MDFIC: variants seen among roughly 807,000 people sequenced by gnomAD.
MDFIC encodes the protein myoD family inhibitor domain-containing protein.
In MDFIC, 17 loss-of-function variants were observed where a neutral mutation model predicts 23.2. That is an observed-to-expected ratio of 0.73 (90% confidence interval 0.50 to 1.10). The LOEUF (loss-of-function observed/expected upper bound fraction) is 1.10. MDFIC is among the 50% of genes least tolerant of loss of function. MDFIC has a pLI of 0.00. For missense variants in MDFIC, 356 were observed against 316.6 expected (o/e 1.12, Z -0.95); for synonymous variants, 120 against 115.2 (o/e 1.04, Z -0.27).
rs1791176835 is a variant in MDFIC at position 114,991,998 on chromosome 7, C to T, written c.493+12217C>T. ...TGTGCATGAGCATGAAATGTTCTTC[C>T]ATTTGTTTGTGTCCTCTTTTATTTC... On this transcript the variant is annotated intron_variant, in intron 4 of 4. Coordinates refer to ENST00000393486, the MANE Select transcript of MDFIC (RefSeq NM_001166345.3). 2.0e-5 allele frequency among the ~76,000 whole-genome samples: 3 copies of T among 152,278 alleles called. No individual in the cohort carries two copies. In the South Asian group the frequency reaches 6.2e-4, roughly 32 times the overall value.
intron 3 of MDFIC, among the ~76,000 whole-genome samples, chr7:114,963,518 A>G (rs750776289): frequency 6.6e-6 from 1 of 152,148 alleles, no homozygotes; most frequent in Admixed American, 6.5e-5. Flanking sequence ...TTCCCTTGAT[A>G]TTCTCTCTGC....
intron 4 of MDFIC, among the ~76,000 whole-genome samples, chr7:114,983,330 C>G (rs1322962772): frequency 4.6e-5 from 7 of 151,814 alleles, no homozygotes; most frequent in Admixed American, 4.6e-4. Context: ...TTTTTTGGTT[C>G]AGATAATGGA....
At chr7:115,010,453 C>A (rs1361284181) in intron 4 of MDFIC, among the ~76,000 whole-genome samples, 4 of 151,846 alleles carry the variant, frequency 2.6e-5, no homozygotes, top group Non-Finnish European at 4.4e-5. Context: ...TTTAAGGAAC[C>A]TTTTTTGGCT....
At chr7:114,936,669 C>T (rs1414003438) in intron 2 of MDFIC, among the ~76,000 whole-genome samples, 1 of 152,114 alleles carries the variant, frequency 6.6e-6, no homozygotes, top group Non-Finnish European at 1.5e-5. Context: ...TTGCGATAGA[C>T]GTTTCTACAC....
chr7:114,938,050 G>A lies in MDFIC; in HGVS notation c.95-4225G>A, dbSNP rs190829993. ...GGCTCACTGCAACCTCTGTCTTCCCGGATTCAAGCAATTCTCCTGCCTCAG... is the reference window on the plus strand; with the variant it reads ...GGCTCACTGCAACCTCTGTCTTCCCAGATTCAAGCAATTCTCCTGCCTCAG... On this transcript the variant is annotated intron_variant, in intron 2 of 4. Coordinates refer to ENST00000393486, the MANE Select transcript of MDFIC (RefSeq NM_001166345.3). Among the ~76,000 whole-genome samples, 15 of 152,188 alleles carry A rather than the reference G, an allele frequency of 9.9e-5. No homozygotes were observed. In the East Asian group the frequency reaches 1.5e-3, roughly 16 times the overall value.
At chr7:115,006,168 C>T (rs1253704646) in intron 4 of MDFIC, among the ~76,000 whole-genome samples, 1 of 152,204 alleles carries the variant, frequency 6.6e-6, no homozygotes, top group Non-Finnish European at 1.5e-5. Context: ...CAGGAACAGT[C>T]ACTGTTGGGG....
intron 4 of MDFIC, among the ~76,000 whole-genome samples, chr7:115,003,371 A>G (rs946064118): frequency 6.6e-6 from 1 of 152,176 alleles, no homozygotes; most frequent in African/African-American, 2.4e-5. Flanking sequence ...TCATTTGAGT[A>G]TCCCCAGACT....
At chr7:114,977,981 T>A (rs984950578) in intron 3 of MDFIC, among the ~76,000 whole-genome samples, 2 of 148,132 alleles carry the variant, frequency 1.4e-5, no homozygotes, top group Non-Finnish European at 3.0e-5. Flanking sequence ...TTAGATTATA[T>A]TGATATAACC....
Position 115,016,897 on chromosome 7 carries a change from T to C in MDFIC, c.*962T>C, listed in dbSNP as rs1328202455. On this transcript the variant is annotated 3_prime_UTR_variant, in exon 5 of 5. Transcript: ENST00000393486. Reference sequence around the variant, plus strand: ...AGATTTAGCAGACTAAGGAGATCTGTAAAGAATGAACCATACCACAAGGCA... The same window carrying C: ...AGATTTAGCAGACTAAGGAGATCTGCAAAGAATGAACCATACCACAAGGCA... 2.6e-5 allele frequency: 4 copies of C among 152,118 alleles called. No homozygotes were observed. Among genetic ancestry groups the C allele is most frequent in the African/African-American group, 9.7e-5 (4 of 41,416 alleles). The allele number at this position is 152,118 out of a possible 1,614,324, so 9.4% of individuals were successfully genotyped here.
At chr7:114,948,195 C>G (rs1171655618) in intron 3 of MDFIC, among the ~76,000 whole-genome samples, 1 of 139,056 alleles carries the variant, frequency 7.2e-6, no homozygotes, top group African/African-American at 2.7e-5. Context: ...GATGAAGGTT[C>G]TAAATCACTA....
intron 4 of MDFIC, among the ~76,000 whole-genome samples, chr7:114,983,618 A>T (rs191029334): frequency 3.0e-4 from 37 of 123,414 alleles, no homozygotes; most frequent in African/African-American, 1.2e-3. Context: ...CCCAGGCTGG[A>T]GTGCGATGGT....
chr7:114,981,669 A>G (rs898898160), intron 4 of MDFIC, among the ~76,000 whole-genome samples: 1 of 152,194 alleles, frequency 6.6e-6, no homozygotes, highest in African/African-American at 2.4e-5. Context: ...GTATAAACAC[A>G]TTTTGCAAAG....
intron 3 of MDFIC, among the ~76,000 whole-genome samples, chr7:114,952,647 T>C (rs2115819631): frequency 6.6e-6 from 1 of 152,238 alleles, no homozygotes; most frequent in South Asian, 2.1e-4. Context: ...GGAACATTCT[T>C]TAATTAAGTA....
rs1002998044 is a variant in MDFIC, at chr7:114,922,262, G to C, written c.-482G>C. Reference sequence around the variant, plus strand: ...CATCGGGGCCGCTAGCCAAGAGTTCGAGGCCTTCCCGATCCGGATGTGATG... The same window carrying C: ...CATCGGGGCCGCTAGCCAAGAGTTCCAGGCCTTCCCGATCCGGATGTGATG... On this transcript the variant is annotated 5_prime_UTR_variant, in exon 1 of 5. Coordinates refer to ENST00000393486, the MANE Select transcript of MDFIC (RefSeq NM_001166345.3). The C allele has an allele frequency of 8.6e-6, 6 of 700,214 alleles. No homozygotes were observed. The African/African-American group carries it at 9.2e-5, about 11-fold the overall frequency. The allele number at this position is 700,214 out of a possible 1,614,324, so 43.4% of individuals were successfully genotyped here.
intron 2 of MDFIC, 112 bp downstream of exon 2, chr7:114,923,239 C>G (rs1165979921): frequency 7.3e-7 from 1 of 1,374,330 alleles, no homozygotes; most frequent in Non-Finnish European, 9.9e-7. Flanking sequence ...GGCTCCCACT[C>G]GTAGTTGAGA....
intron 2 of MDFIC, among the ~76,000 whole-genome samples, chr7:114,929,851 A>G (rs1455502226): frequency 6.6e-6 from 1 of 152,136 alleles, no homozygotes; most frequent in African/African-American, 2.4e-5. Context: ...AGGTGTTTGT[A>G]AGGGAAAGAT....
intron 3 of MDFIC, among the ~76,000 whole-genome samples, chr7:114,952,693 C>T (rs766858611): frequency 4.0e-5 from 6 of 151,516 alleles, no homozygotes; most frequent in Admixed American, 6.6e-5. Context: ...GTGAGAACTC[C>T]GATTAGAAAA....
At chr7:115,014,938 A>G (rs1179379627) in intron 4 of MDFIC, among the ~76,000 whole-genome samples, 2 of 152,226 alleles carry the variant, frequency 1.3e-5, no homozygotes, top group African/African-American at 4.8e-5. Flanking sequence ...GAGATGTGTC[A>G]GGAGATAACA....
At chr7:114,976,810 T>A (rs1484471077) in intron 3 of MDFIC, among the ~76,000 whole-genome samples, 1 of 152,106 alleles carries the variant, frequency 6.6e-6, no homozygotes, top group Non-Finnish European at 1.5e-5. Flanking sequence ...GAACAAGAAC[T>A]GAAGTAAACA....
Sources: allele counts gnomAD v4.1 joint callset (sites outside exome capture counted in the v4.1 genomes callset), GRCh38; gene constraint gnomAD v4.1.1; transcripts MANE v1.5; gene names NCBI Gene and HGNC (gene_info 2026-07-23, HGNC 2026-07-21).